Variants in TCF4 observed in about 807,000 individuals in gnomAD.
TCF4 encodes the protein transcription factor 4, also known as SL3-3 enhancer factor 2.
In TCF4, 3 loss-of-function variants were observed where a neutral mutation model predicts 82.1. The observed-to-expected ratio is 0.04, with a 90% CI of 0.02 to 0.09. TCF4 has a LOEUF of 0.09. Ranked by LOEUF, TCF4 falls within the 10% of genes least tolerant of loss-of-function variation. The probability of loss-of-function intolerance (pLI) is 1.00; values close to 1 mark genes in which losing one functional copy is unlikely to be tolerated. For synonymous variants in TCF4, 276 were observed against 309.6 expected (o/e 0.89, Z 1.14); for missense variants, 518 against 852.7 (o/e 0.61, Z 4.89).
At chr18:55,319,478 G>A (rs921331006) in intron 8 of TCF4, among the ~76,000 whole-genome samples, 5 of 152,222 alleles carry the variant, frequency 3.3e-5, no homozygotes, top group Non-Finnish European at 7.4e-5. Flanking sequence ...GTAGCCATCC[G>A]CAGTTTCAAA....
At chr18:55,342,721 G>A (rs2080262246) in intron 8 of TCF4, among the ~76,000 whole-genome samples, 1 of 151,978 alleles carries the variant, frequency 6.6e-6, no homozygotes, top group Admixed American at 6.6e-5. Context: ...TACTCCACTT[G>A]TTATTAAATT....
intron 2 of TCF4, among the ~76,000 whole-genome samples, chr18:55,616,914 A>G (rs1010830471): frequency 6.6e-6 from 1 of 151,966 alleles, no homozygotes; most frequent in African/African-American, 2.4e-5. Flanking sequence ...TTGTTTTCTT[A>G]GCTGTGCAGA....
intron 9 of TCF4, among the ~76,000 whole-genome samples, chr18:55,276,321 T>G (rs2061490653): frequency 6.6e-6 from 1 of 152,170 alleles, no homozygotes; most frequent in African/African-American, 2.4e-5. Context: ...TAGGATATTT[T>G]ATTTTTATTT....
At chr18:55,586,150 G>GCAGCAGC (rs2097644476) in intron 2 of TCF4, 3 of 1,222,912 alleles carry the variant, frequency 2.5e-6, no homozygotes, top group East Asian at 7.3e-5. Context: ...GGAGGAGGAG[G>GCAGCAGC]AGGAGCAGCA....
At chr18:55,307,454 C>T (rs553286527) in intron 8 of TCF4, among the ~76,000 whole-genome samples, 97 of 152,302 alleles carry the variant, frequency 6.4e-4, no homozygotes, top group Non-Finnish European at 1.1e-3. Context: ...GTCAAATACT[C>T]TTGAAGAGGT....
At chr18:55,454,674 T>C (rs532080729) in intron 5 of TCF4, among the ~76,000 whole-genome samples, 2 of 152,146 alleles carry the variant, frequency 1.3e-5, no homozygotes, top group Non-Finnish European at 2.9e-5. Flanking sequence ...CTTGAAGGTA[T>C]TCATAAAATA....
At chr18:55,471,476 G>A (rs1432808276) in intron 3 of TCF4, among the ~76,000 whole-genome samples, 1 of 152,124 alleles carries the variant, frequency 6.6e-6, no homozygotes, top group Non-Finnish European at 1.5e-5. Context: ...CGAGGCAGGT[G>A]GATTATGATT....
rs183313011 is a variant in TCF4, at chr18:55,316,967, T to G, written c.549+33392A>C. ...ATATTTTTTCCCTGAGAAATTAGCC[T>G]CACAGAAACGTTCAAACTGGTATCT... On this transcript the variant is annotated intron_variant, in intron 8 of 19. Transcript: ENST00000354452. 3.3e-5 allele frequency among the ~76,000 whole-genome samples: 5 copies of G among 152,138 alleles called. No homozygotes were observed. In the East Asian group the frequency reaches 9.6e-4, roughly 29 times the overall value.
intron 3 of TCF4, among the ~76,000 whole-genome samples, chr18:55,541,500 A>C (rs2097164860): frequency 6.6e-6 from 1 of 152,044 alleles, no homozygotes; most frequent in African/African-American, 2.4e-5. Context: ...CTACAACATT[A>C]GATTTTGGCC....
At chr18:55,386,459 A>G (rs1249502241) in intron 6 of TCF4, among the ~76,000 whole-genome samples, 1 of 152,218 alleles carries the variant, frequency 6.6e-6, no homozygotes, top group Non-Finnish European at 1.5e-5. Context: ...AAATCCAAGG[A>G]GCACAATCAT....
chr18:55,293,931 CTTTTTTTTTTTTTTTTT>C (rs781150808), intron 8 of TCF4, among the ~76,000 whole-genome samples: 20 of 40,058 alleles, frequency 5.0e-4, no homozygotes, highest in East Asian at 4.2e-3. Flanking sequence ...TTTCCAAGGA[CTTTTTTTTTTTTTTTTT>C]TTTTTTTTTT....
chr18:55,512,258 T>C (rs2096836491), intron 3 of TCF4, among the ~76,000 whole-genome samples: 1 of 152,158 alleles, frequency 6.6e-6, no homozygotes, highest in Non-Finnish European at 1.5e-5. Context: ...TGGTCAACAG[T>C]TGCAAACTCT....
intron 2 of TCF4, among the ~76,000 whole-genome samples, chr18:55,602,299 C>T (rs566615381): frequency 2.0e-5 from 3 of 152,318 alleles, no homozygotes; most frequent in Non-Finnish European, 2.9e-5. Flanking sequence ...GTCAGAACCC[C>T]GGCTGTCTGG....
intron 17 of TCF4, chr18:55,230,148 C>CAAAAAAAAAAAAAAAAAAAAAACAAA: frequency 9.7e-6 from 1 of 103,282 alleles, no homozygotes; most frequent in Non-Finnish European, 1.8e-5. Context: ...CTGTCTCTTA[C>CAAAAAAAAAAAAAAAAAAAAAACAAA]AAAAAAAAAA....
At chr18:55,622,881 C>CTGTG (rs1168157065) in intron 2 of TCF4, among the ~76,000 whole-genome samples, 66,279 of 149,588 alleles carry the variant, frequency 0.44, 15,890 homozygotes, top group Admixed American at 0.61. Flanking sequence ...TTTCTCCACT[C>CTGTG]TGTGTGTGTG....
chr18:55,622,316 G>A (rs2097722110), intron 2 of TCF4, among the ~76,000 whole-genome samples: 2 of 150,946 alleles, frequency 1.3e-5, no homozygotes, highest in Non-Finnish European at 1.5e-5. Flanking sequence ...AGACCATCCT[G>A]CCCAACAGGG....
chr18:55,625,803 A>T (rs886990857), intron 2 of TCF4, among the ~76,000 whole-genome samples: 1 of 152,196 alleles, frequency 6.6e-6, no homozygotes, highest in Admixed American at 6.5e-5. Flanking sequence ...AGAAGAAAGG[A>T]AGTATTTTTT....
intron 2 of TCF4, among the ~76,000 whole-genome samples, chr18:55,606,167 A>G (rs1484429600): frequency 6.6e-6 from 1 of 152,204 alleles, no homozygotes; most frequent in Non-Finnish European, 1.5e-5. Context: ...ACTACCCTCA[A>G]GCACTTACTA....
At position 55,587,035 on chromosome 18, in the gene TCF4, TC is replaced by T. The variant is rs754948987; in HGVS notation, c.72+9del. Reference sequence around the variant, plus strand: ...CACAGCTGTTGTTAGTTTCCACCGTTCTTTCTTACCGCACTGAAATCCAGTA... The same window carrying T: ...CACAGCTGTTGTTAGTTTCCACCGTTTTTCTTACCGCACTGAAATCCAGTA... On this transcript the variant is annotated intron_variant, in intron 2 of 19. Coordinates refer to ENST00000354452, the MANE Select transcript of TCF4 (RefSeq NM_001083962.2). 8 of 1,613,328 alleles carry T rather than the reference TC, an allele frequency of 5.0e-6. No homozygotes were observed. Among genetic ancestry groups the T allele is most frequent in the Non-Finnish European group, 6.8e-6 (8 of 1,179,374 alleles).
Sources: allele counts gnomAD v4.1 joint callset (sites outside exome capture counted in the v4.1 genomes callset), GRCh38; gene constraint gnomAD v4.1.1; transcripts MANE v1.5; gene names NCBI Gene and HGNC (gene_info 2026-07-23, HGNC 2026-07-21).